Variants in SNTG2 observed in about 807,000 individuals in gnomAD.
SNTG2 encodes the protein syntrophin gamma 2.
SNTG2 carries 74 observed loss-of-function variants against 70.9 expected under a neutral mutation model. That is an observed-to-expected ratio of 1.04 (90% confidence interval 0.86 to 1.27). The LOEUF (loss-of-function observed/expected upper bound fraction) is 1.27, where lower values mean the gene tolerates loss of function less well. Among genes scored for constraint, SNTG2 ranks in the 50% most tolerant of loss-of-function variants. The pLI, the probability that SNTG2 is intolerant of heterozygous loss-of-function variation, is 0.00. For synonymous variants in SNTG2, 278 were observed against 273.8 expected (o/e 1.02, Z -0.15); for missense variants, 717 against 690.7 (o/e 1.04, Z -0.43).
intron 4 of SNTG2, among the ~76,000 whole-genome samples, chr2:1,128,293 T>G (rs998196365): frequency 1.3e-5 from 2 of 152,212 alleles, no homozygotes; most frequent in Non-Finnish European, 2.9e-5. Flanking sequence ...TCGAGTCTAT[T>G]CATTTCACCA....
At chr2:1,253,749 C>T (rs955293108) in intron 12 of SNTG2, among the ~76,000 whole-genome samples, 19 of 152,192 alleles carry the variant, frequency 1.2e-4, no homozygotes, top group Admixed American at 6.5e-4. Context: ...CCCACAGTTC[C>T]GCAAGCTGTA....
In SNTG2 at chr2:992,850, G is replaced by A. The variant is rs186292118; in HGVS notation, c.72+41782G>A. On this transcript the variant is annotated intron_variant, in intron 1 of 16. Transcript: ENST00000308624. Reference sequence around the variant, plus strand: ...ATTCACCAAAAGTCTGCAGTTCGGTGGTTTGTTGTGTATTCACAGAGCTGT... The same window carrying A: ...ATTCACCAAAAGTCTGCAGTTCGGTAGTTTGTTGTGTATTCACAGAGCTGT... Among the ~76,000 whole-genome samples, 322 of 152,186 alleles carry A rather than the reference G, an allele frequency of 2.1e-3. 4 individuals are homozygous for A. Among genetic ancestry groups the A allele is most frequent in the African/African-American group, 7.5e-3 (310 of 41,528 alleles).
At chr2:1,154,871 A>G (rs1669751562) in intron 6 of SNTG2, among the ~76,000 whole-genome samples, 1 of 151,852 alleles carries the variant, frequency 6.6e-6, no homozygotes, top group African/African-American at 2.4e-5. Context: ...TGCACACACC[A>G]CACAAACACA....
chr2:1,271,006 G>A (rs143482604), intron 14 of SNTG2, among the ~76,000 whole-genome samples: 2,446 of 152,204 alleles, frequency 0.016, 58 homozygotes, highest in African/African-American at 0.056. Flanking sequence ...CTTCACAGTC[G>A]TTTCTGAATG....
chr2:1,230,669 A>G (rs534217139), intron 9 of SNTG2, among the ~76,000 whole-genome samples: 12 of 152,174 alleles, frequency 7.9e-5, no homozygotes, highest in South Asian at 2.1e-4. Flanking sequence ...CATGGGTCCC[A>G]CCTTACGGAT....
chr2:1,080,020 G>A (rs1664178319), intron 1 of SNTG2, among the ~76,000 whole-genome samples: 1 of 152,220 alleles, frequency 6.6e-6, no homozygotes, highest in African/African-American at 2.4e-5. Flanking sequence ...TCTGCACCCT[G>A]TTCCGGGTCC....
intron 14 of SNTG2, among the ~76,000 whole-genome samples, chr2:1,284,673 A>G (rs1008186813): frequency 1.3e-5 from 2 of 152,134 alleles, no homozygotes; most frequent in Non-Finnish European, 2.9e-5. Flanking sequence ...TTAAAATTTC[A>G]CTTAAACATA....
chr2:1,224,760 G>A (rs1170707956), intron 9 of SNTG2, among the ~76,000 whole-genome samples: 1 of 152,236 alleles, frequency 6.6e-6, no homozygotes, highest in Non-Finnish European at 1.5e-5. Context: ...CCAGTCTGCA[G>A]GCCTTGCCTG....
intron 8 of SNTG2, among the ~76,000 whole-genome samples, chr2:1,196,485 G>C (rs1318082446): frequency 2.0e-5 from 3 of 152,276 alleles, no homozygotes; most frequent in African/African-American, 7.2e-5. Flanking sequence ...AGCTTCTCAA[G>C]TCTGGCAAAA....
chr2:1,312,267 A>T (rs1193814163), intron 15 of SNTG2, among the ~76,000 whole-genome samples: 2 of 152,062 alleles, frequency 1.3e-5, no homozygotes, highest in African/African-American at 4.8e-5. Context: ...GCTGCTAGAG[A>T]TGGAGGGCGT....
chr2:1,324,700 C>G (rs140976626), intron 16 of SNTG2, among the ~76,000 whole-genome samples: 34 of 152,206 alleles, frequency 2.2e-4, no homozygotes, highest in African/African-American at 7.0e-4. Context: ...CATAGTAGGC[C>G]CAATTTATTT....
chr2:1,169,780 C>T (rs7585498), intron 7 of SNTG2, among the ~76,000 whole-genome samples: 1 of 152,054 alleles, frequency 6.6e-6, no homozygotes, highest in Non-Finnish European at 1.5e-5. Context: ...ACGGACCACC[C>T]CACACGTCCT....
At chr2:1,249,240 C>T (rs1043951509) in intron 12 of SNTG2, among the ~76,000 whole-genome samples, 1 of 152,078 alleles carries the variant, frequency 6.6e-6, no homozygotes, top group South Asian at 2.1e-4. Flanking sequence ...ATCATGGAGA[C>T]CTATTGTAAT....
chr2:961,036 A>G (rs1660333472), intron 1 of SNTG2, among the ~76,000 whole-genome samples: 1 of 152,174 alleles, frequency 6.6e-6, no homozygotes, highest in Admixed American at 6.5e-5. Flanking sequence ...ACAATAATTT[A>G]TGATTTCTGA....
chr2:1,038,623 G>A (rs893491401), intron 1 of SNTG2, among the ~76,000 whole-genome samples: 17 of 152,136 alleles, frequency 1.1e-4, no homozygotes, highest in African/African-American at 4.1e-4. Context: ...GCTATTATTC[G>A]AGAGGATTTA....
In SNTG2 at chr2:1,252,823, C is replaced by T. The variant is rs144445786; in HGVS notation, c.1005+5380C>T. Among the ~76,000 whole-genome samples the T allele has an allele frequency of 2.6e-4, 40 of 152,224 alleles. No homozygotes were observed. In the East Asian group the frequency reaches 7.0e-3, roughly 26 times the overall value. ...TGTAAAAGCATTTGAATCTAACAGA[C>T]AAAATCATGTATTAGTATTCACCAA... On this transcript the variant is annotated intron_variant, in intron 12 of 16. Coordinates refer to ENST00000308624, the MANE Select transcript of SNTG2 (RefSeq NM_018968.4).
At chr2:1,293,148 ACT>A (rs1680055675) in intron 14 of SNTG2, among the ~76,000 whole-genome samples, 1 of 135,684 alleles carries the variant, frequency 7.4e-6, no homozygotes, top group Non-Finnish European at 1.6e-5. Flanking sequence ...TGTTTGTAGT[ACT>A]CTGTTACTTT....
chr2:1,218,553 C>T (rs757657683), intron 9 of SNTG2, among the ~76,000 whole-genome samples: 1 of 152,260 alleles, frequency 6.6e-6, no homozygotes, highest in Non-Finnish European at 1.5e-5. Flanking sequence ...AGGCTCCTGC[C>T]CATAGCATGT....
chr2:1,235,624 G>A (rs369754375), intron 9 of SNTG2, among the ~76,000 whole-genome samples: 1 of 102,592 alleles, frequency 9.7e-6, no homozygotes, highest in Non-Finnish European at 2.1e-5. Context: ...CAGGCCCCAC[G>A]AGGCACCCCC....
Sources: gnomAD v4.1 joint callset for allele counts (sites outside exome capture counted in the v4.1 genomes callset) on GRCh38, gnomAD v4.1.1 for gene constraint, MANE v1.5 for transcripts, NCBI Gene and HGNC (gene_info 2026-07-23, HGNC 2026-07-21) for gene names.